The following TCF20 variants were observed in gnomAD, a reference collection of about 807,000 sequenced individuals.
TCF20 encodes SPRE-binding protein.
Under a neutral mutation model 148.6 loss-of-function variants are expected in TCF20, and 3 were observed. That is an observed-to-expected ratio of 0.02 (90% CI 0.01 to 0.05). The LOEUF (loss-of-function observed/expected upper bound fraction) is 0.05. Ranked by LOEUF, TCF20 falls within the 10% of genes least tolerant of loss-of-function variation. The pLI is 1.00. For synonymous variants in TCF20, 1,049 were observed against 909.5 expected (o/e 1.15, Z -2.76); for missense variants, 2,350 against 2,429.3 (o/e 0.97, Z 0.69).
chr22:42,187,835 C>G (rs1937119980), intron 2 of TCF20, among the ~76,000 whole-genome samples: 1 of 152,186 alleles, frequency 6.6e-6, no homozygotes, highest in Non-Finnish European at 1.5e-5. Context: ...AGATAAAGAA[C>G]ATATTCAGAA....
intron 1 of TCF20, among the ~76,000 whole-genome samples, chr22:42,229,610 C>T (rs1490860485): frequency 6.6e-6 from 1 of 152,104 alleles, no homozygotes; most frequent in Non-Finnish European, 1.5e-5. Flanking sequence ...AAGGCCACGG[C>T]AATTTTCCTT....
intron 1 of TCF20, among the ~76,000 whole-genome samples, chr22:42,216,084 T>A (rs1037063248): frequency 9.0e-6 from 1 of 111,288 alleles, no homozygotes; most frequent in Non-Finnish European, 1.8e-5. Flanking sequence ...AAATCCTTTT[T>A]TTTTTTTTTT....
intron 5 of TCF20, among the ~76,000 whole-genome samples, chr22:42,164,008 C>T (rs1432131372): frequency 3.3e-5 from 5 of 152,138 alleles, no homozygotes; most frequent in African/African-American, 1.2e-4. Context: ...CCTTTCCCAA[C>T]TGCAGCAAAA....
intron 2 of TCF20, among the ~76,000 whole-genome samples, chr22:42,181,291 C>A (rs1293268084): frequency 6.6e-6 from 1 of 152,198 alleles, no homozygotes; most frequent in Non-Finnish European, 1.5e-5. Flanking sequence ...TCAAGCCATT[C>A]TCCTGCCTCA....
At chr22:42,258,600 G>A (rs922004443) in intron 1 of TCF20, among the ~76,000 whole-genome samples, 3 of 152,120 alleles carry the variant, frequency 2.0e-5, no homozygotes, top group African/African-American at 7.2e-5. Context: ...GCATTCAGTA[G>A]AAACCCTACT....
At chr22:42,175,443 C>T (rs986079267) in intron 3 of TCF20, among the ~76,000 whole-genome samples, 17 of 152,082 alleles carry the variant, frequency 1.1e-4, no homozygotes, top group Non-Finnish European at 1.6e-4. Context: ...CGGGTTCAAG[C>T]GATTCCCCTA....
At chr22:42,181,598 CTTTT>C (rs34232368) in intron 2 of TCF20, among the ~76,000 whole-genome samples, 2 of 136,518 alleles carry the variant, frequency 1.5e-5, no homozygotes, top group African/African-American at 5.4e-5. Context: ...TCCCCCCAAC[CTTTT>C]TTTTTTTTTT....
chr22:42,182,342 A>C (rs376825333), intron 2 of TCF20, among the ~76,000 whole-genome samples: 1 of 152,222 alleles, frequency 6.6e-6, no homozygotes, highest in African/African-American at 2.4e-5. Flanking sequence ...TTCAGGCTTA[A>C]AACAGTGGCT....
intron 1 of TCF20, among the ~76,000 whole-genome samples, chr22:42,294,948 G>A (rs1927203969): frequency 6.6e-6 from 1 of 152,210 alleles, no homozygotes. Flanking sequence ...AGGGAGACAT[G>A]CTGGCGCTGG....
intron 1 of TCF20, among the ~76,000 whole-genome samples, chr22:42,235,191 A>AT (rs943775050): frequency 1.2e-4 from 18 of 151,688 alleles, no homozygotes; most frequent in African/African-American, 4.4e-4. Context: ...TCTAGACCTT[A>AT]TTTTAGGGTG....
At chr22:42,164,149 A>AT (rs1030828298) in intron 5 of TCF20, among the ~76,000 whole-genome samples, 4 of 151,600 alleles carry the variant, frequency 2.6e-5, no homozygotes, top group Admixed American at 1.3e-4. Flanking sequence ...ATCTATACTG[A>AT]TTAAGGGCAC....
rs76434100 is a variant in TCF20 at position 42,291,227 on chromosome 22, T to C, written c.-37+52252A>G. On this transcript the variant is annotated intron_variant, in intron 1 of 1. Transcript: ENST00000515426. Reference sequence around the variant, plus strand: ...GTGCCAGGGATCCAGAAATGCATGATGTTACTTAAGAAGCTCACAGTCTGG... The same window carrying C: ...GTGCCAGGGATCCAGAAATGCATGACGTTACTTAAGAAGCTCACAGTCTGG... Among the ~76,000 whole-genome samples the C allele has an allele frequency of 9.9e-3, 1,508 of 152,348 alleles. 22 individuals carry two copies. The highest frequency in any genetic ancestry group is 0.034 in the African/African-American group (1,422 of 41,580).
At chr22:42,196,873 C>T (rs1937620827) in intron 2 of TCF20, among the ~76,000 whole-genome samples, 1 of 152,188 alleles carries the variant, frequency 6.6e-6, no homozygotes, top group African/African-American at 2.4e-5. Flanking sequence ...TTGAGTTCGG[C>T]TGGAAATTTG....
intron 1 of TCF20, among the ~76,000 whole-genome samples, chr22:42,303,603 C>A (rs563663047): frequency 5.3e-5 from 8 of 152,362 alleles, no homozygotes; most frequent in African/African-American, 1.9e-4. Context: ...TCTGGCCTCA[C>A]CTTTAACTAT....
chr22:42,167,888 A>G (rs1935887701), intron 5 of TCF20, among the ~76,000 whole-genome samples: 1 of 148,676 alleles, frequency 6.7e-6, no homozygotes, highest in South Asian at 2.1e-4. Flanking sequence ...ACGCACGGCT[A>G]ATTTTTTTTT....
intron 1 of TCF20, among the ~76,000 whole-genome samples, chr22:42,282,167 T>C (rs1926916052): frequency 6.6e-6 from 1 of 152,216 alleles, no homozygotes; most frequent in South Asian, 2.1e-4. Flanking sequence ...AGCCTTCCCC[T>C]GACCTTCTGC....
intron 1 of TCF20, among the ~76,000 whole-genome samples, chr22:42,293,093 A>G (rs1927162607): frequency 6.6e-6 from 1 of 152,098 alleles, no homozygotes; most frequent in African/African-American, 2.4e-5. Context: ...CAAGCCCAGG[A>G]GGAGGCCAAG....
At chr22:42,257,028 C>T (rs1415855925) in intron 1 of TCF20, among the ~76,000 whole-genome samples, 1 of 152,112 alleles carries the variant, frequency 6.6e-6, no homozygotes, top group Non-Finnish European at 1.5e-5. Context: ...GGTGTGGTGG[C>T]ATGTGCCTGT....
At chr22:42,193,661 T>A (rs1937453940) in intron 2 of TCF20, among the ~76,000 whole-genome samples, 1 of 152,150 alleles carries the variant, frequency 6.6e-6, no homozygotes, top group Non-Finnish European at 1.5e-5. Flanking sequence ...AGGACAGATT[T>A]CATTTATCCA....
Sources: allele counts gnomAD v4.1 joint callset (sites outside exome capture counted in the v4.1 genomes callset), GRCh38; gene constraint gnomAD v4.1.1; transcripts MANE v1.5; gene names NCBI Gene and HGNC (gene_info 2026-07-23, HGNC 2026-07-21).